PCDH11X: variants seen among roughly 807,000 people sequenced by gnomAD.
The protein encoded by PCDH11X is protocadherin-11 X-linked.
PCDH11X carries 18 observed loss-of-function variants against 53.3 expected under a neutral mutation model. The ratio of observed to expected loss-of-function variants is 0.34; its 90% CI spans 0.23 to 0.50. The LOEUF is 0.50. Ranked by LOEUF, PCDH11X falls within the 20% of genes least tolerant of loss-of-function variation. The probability of loss-of-function intolerance (pLI) is 0.98; values close to 1 mark genes in which losing one functional copy is unlikely to be tolerated. For synonymous variants in PCDH11X, 279 were observed against 393.3 expected, an observed-to-expected ratio of 0.71 and a Z score of 3.44; for missense variants, 570 against 1,032.4, an observed-to-expected ratio of 0.55 and a Z score of 6.14.
At chrX:92,176,868 T>C (rs1410871528) in intron 6 of PCDH11X, among the ~76,000 whole-genome samples, 2 of 111,698 alleles carry the variant, frequency 1.8e-5, no homozygotes, top group Non-Finnish European at 3.8e-5. Context: ...TTAGAACAGA[T>C]TGGCACACTT....
chrX:92,459,739 G>C, intron 9 of PCDH11X: 1 of 1,115,777 alleles, frequency 9.0e-7, no homozygotes, highest in African/African-American at 1.8e-5. Flanking sequence ...GCCCAGCTAC[G>C]GCGCCCGGCC....
rs768905776 is a variant in PCDH11X, at chrX:92,116,688, C to T, written c.3034-84687C>T. On this transcript the variant is annotated intron_variant, in intron 6 of 10. Transcript: ENST00000682573. ...CGTAACTCCCCCTCCTAGGCTCAAG[C>T]GATCCTCACTCCTCAGTCTCTTGAG... 5.4e-5 allele frequency among the ~76,000 whole-genome samples: 6 copies of T among 111,027 alleles called. No homozygotes were observed. The East Asian group carries it at 1.7e-3, about 32-fold the overall frequency.
chrX:92,105,419 G>A (rs989990831), intron 6 of PCDH11X, among the ~76,000 whole-genome samples: 5 of 110,246 alleles, frequency 4.5e-5, no homozygotes, highest in African/African-American at 1.3e-4. Context: ...CCCTCGATCT[G>A]AGTCACGGCA....
intron 9 of PCDH11X, among the ~76,000 whole-genome samples, chrX:92,447,730 A>C (rs913397973): frequency 3.6e-5 from 4 of 112,567 alleles, no homozygotes; most frequent in African/African-American, 1.3e-4. Flanking sequence ...CTGTGAAAAG[A>C]GGGCCACTGT....
intron 10 of PCDH11X, among the ~76,000 whole-genome samples, chrX:92,545,043 A>G (rs963955071): frequency 9.0e-6 from 1 of 111,245 alleles, no homozygotes; most frequent in African/African-American, 3.3e-5. Flanking sequence ...GTAGAATTTT[A>G]ACAGCATAGT....
chrX:92,459,814 C>T (rs1335718173), intron 9 of PCDH11X: 2 of 1,177,517 alleles, frequency 1.7e-6, no homozygotes, highest in South Asian at 1.8e-5. Flanking sequence ...CTCCGTGTCC[C>T]GCTCCACCAG....
At chrX:91,824,396 A>C (rs1218478845) in intron 4 of PCDH11X, among the ~76,000 whole-genome samples, 4 of 108,912 alleles carry the variant, frequency 3.7e-5, no homozygotes, top group East Asian at 5.8e-4. Flanking sequence ...TTTTCTCTAA[A>C]CTTCCCTTCT....
chrX:91,969,279 A>G lies in PCDH11X; in HGVS notation c.3033+90006A>G, dbSNP rs1344450660. ...AATACTTTGCAAGCCCAAGGACAAC[A>G]TTTACAAGTATAACCACATGTCACA... On this transcript the variant is annotated intron_variant, in intron 6 of 10. Coordinates refer to ENST00000682573, the MANE Select transcript of PCDH11X (RefSeq NM_032968.5). Among the ~76,000 whole-genome samples, 3 of 110,999 alleles carry G rather than the reference A, an allele frequency of 2.7e-5. No individual in the cohort carries two copies. In the East Asian group the frequency reaches 8.5e-4, roughly 31 times the overall value.
At chrX:92,000,570 TACAA>T (rs1230816381) in intron 6 of PCDH11X, among the ~76,000 whole-genome samples, 2 of 107,351 alleles carry the variant, frequency 1.9e-5, no homozygotes, top group East Asian at 5.9e-4. Flanking sequence ...TCCTTCAAGT[TACAA>T]ACAATCCAAT....
chrX:92,393,967 A>C (rs1417470580), intron 9 of PCDH11X, among the ~76,000 whole-genome samples: 1 of 111,176 alleles, frequency 9.0e-6, no homozygotes, highest in Non-Finnish European at 1.9e-5. Flanking sequence ...AGCTTCTGAA[A>C]GTTTATAAAT....
intron 10 of PCDH11X, chrX:92,515,381 C>T: frequency 9.1e-6 from 2 of 220,142 alleles, no homozygotes; most frequent in South Asian, 1.6e-4. Flanking sequence ...CCAGCCGCCC[C>T]CGACAGTCTG....
intron 8 of PCDH11X, among the ~76,000 whole-genome samples, chrX:92,292,540 A>G (rs1178086726): frequency 9.0e-6 from 1 of 111,612 alleles, no homozygotes; most frequent in East Asian, 2.8e-4. Flanking sequence ...GCCTCTCTTA[A>G]CAGTAGAATG....
chrX:92,606,014 C>T (rs1210645917), intron 10 of PCDH11X, among the ~76,000 whole-genome samples: 55 of 110,035 alleles, frequency 5.0e-4, no homozygotes, highest in African/African-American at 1.7e-3. Context: ...GGCGGATCAC[C>T]TGAGGTTGGG....
chrX:92,176,663 T>C (rs1430652060), intron 6 of PCDH11X, among the ~76,000 whole-genome samples: 1 of 112,084 alleles, frequency 8.9e-6, no homozygotes, highest in African/African-American at 3.2e-5. Context: ...CATAAATACA[T>C]TTCCCAGAAT....
At chrX:92,282,434 A>C (rs1025200290) in intron 8 of PCDH11X, among the ~76,000 whole-genome samples, 5 of 111,657 alleles carry the variant, frequency 4.5e-5, no homozygotes, top group Middle Eastern at 8.5e-3. Flanking sequence ...TATATTTTGC[A>C]GGACTGAAAG....
chrX:92,278,695 T>G (rs371829892), intron 8 of PCDH11X, among the ~76,000 whole-genome samples: 4 of 110,869 alleles, frequency 3.6e-5, no homozygotes, highest in East Asian at 5.7e-4. Context: ...CAGGGCCTTT[T>G]CACTTCTTTT....
chrX:92,306,016 A>G (rs1425217117), intron 8 of PCDH11X, among the ~76,000 whole-genome samples: 1 of 110,548 alleles, frequency 9.0e-6, no homozygotes, highest in Non-Finnish European at 1.9e-5. Context: ...TGACCATATG[A>G]CAGCCATAAA....
intron 8 of PCDH11X, among the ~76,000 whole-genome samples, chrX:92,331,344 T>TCTTCTTCTTTTCTTCTTC (rs2069480589): frequency 1.3e-5 from 1 of 79,531 alleles, no homozygotes; most frequent in Non-Finnish European, 2.3e-5. Flanking sequence ...CTTCCTTCCT[T>TCTTCTTCTTTTCTTCTTC]TTCCCCCTCC....
At position 92,149,795 on chromosome X, in the gene PCDH11X, A is replaced by G. The variant is rs766293884; in HGVS notation, c.3034-51580A>G. Among the ~76,000 whole-genome samples, 3 of 110,751 alleles carry G rather than the reference A, an allele frequency of 2.7e-5. No homozygotes were observed. The South Asian group carries it at 1.1e-3, about 42-fold the overall frequency. ...AACAACCACTAATATGTGTACTGTA[A>G]GTATATATTAGTTTGCTTTTTCAAG... is the stretch of plus-strand genomic sequence containing the variant. On this transcript the variant is annotated intron_variant, in intron 6 of 10. Transcript: ENST00000682573.
Sources: gnomAD v4.1 joint callset for allele counts (sites outside exome capture counted in the v4.1 genomes callset) on GRCh38, gnomAD v4.1.1 for gene constraint, MANE v1.5 for transcripts, NCBI Gene and HGNC (gene_info 2026-07-23, HGNC 2026-07-21) for gene names.